The following ATPSCKMT variants were observed in gnomAD, a reference collection of about 807,000 sequenced individuals.
The protein encoded by ATPSCKMT is ATP synthase c subunit lysine N-methyltransferase.
Under a neutral mutation model 24.3 loss-of-function variants are expected in ATPSCKMT, and 24 were observed. That is an observed-to-expected ratio of 0.99 (90% confidence interval 0.71 to 1.39). ATPSCKMT has a LOEUF of 1.39. Among genes scored for constraint, ATPSCKMT ranks in the 40% most tolerant of loss-of-function variants. The pLI, the probability that ATPSCKMT is intolerant of heterozygous loss-of-function variation, is 0.00. For missense variants in ATPSCKMT, 311 were observed against 298.4 expected, an observed-to-expected ratio of 1.04 and a Z score of -0.31; for synonymous variants, 95 against 110.5, an observed-to-expected ratio of 0.86 and a Z score of 0.88.
chr5:10,242,019 A>G (rs945998624), intron 1 of ATPSCKMT, among the ~76,000 whole-genome samples: 1 of 152,184 alleles, frequency 6.6e-6, no homozygotes, highest in South Asian at 2.1e-4. Context: ...TGATCATCTG[A>G]GCCTTCAGTG....
intron 4 of ATPSCKMT, among the ~76,000 whole-genome samples, chr5:10,230,504 A>G (rs1246043646): frequency 1.3e-5 from 2 of 152,252 alleles, no homozygotes; most frequent in African/African-American, 2.4e-5. Context: ...TATTTCCATC[A>G]TAAGAAATTA....
Position 10,235,242 on chromosome 5 carries a change from G to T in ATPSCKMT, c.464C>A (p.Ser155Ter). 1 of 1,613,524 alleles carries T rather than the reference G, an allele frequency of 6.2e-7. No individual in the cohort carries two copies. Among genetic ancestry groups the T allele is most frequent in the Non-Finnish European group, 8.5e-7 (1 of 1,179,620 alleles). ...DLWKVTFSQY[S>*]NVVIFGVPQM... ...AGGCACACCGAAAATAACAACGTTC[G>T]AGTACTGCGAAAAAGTAACCTGAAC... is the stretch of plus-strand genomic sequence containing the variant. The change falls in exon 4 of 5, where the codon TCG (serine) becomes TAG (stop). Residue 155 changes from serine to a stop codon, truncating the protein, a stop_gained. Transcript: ENST00000511437. LOFTEE classifies it low-confidence loss of function (END_TRUNC).
At chr5:10,236,860 C>G in intron 2 of ATPSCKMT, 1 of 1,457,398 alleles carries the variant, frequency 6.9e-7, no homozygotes, top group Non-Finnish European at 9.1e-7. Flanking sequence ...AATAGACATT[C>G]AGGTTCACTT....
At position 10,239,178 on chromosome 5, in the gene ATPSCKMT, T is replaced by C; in HGVS notation, c.195A>G (p.Lys65=). 6.2e-7 allele frequency: 1 copy of C among 1,614,150 alleles called. No individual in the cohort carries two copies. The highest frequency in any genetic ancestry group is 1.3e-5 in the African/African-American group (1 of 75,034). The change falls in exon 2 of 5, where the codon AAA becomes AAG. Residue 65 remains lysine (K), a synonymous_variant. Transcript: ENST00000511437. ...TTGCAGGTACAAACGGCAAACAGAC[T>C]TTTCGAAGGGCTGGCGTTACAAACG... ...ATPFVTPALR[K]VCLPFVPATT... is the part of the protein sequence containing the mutation.
chr5:10,238,694 A>T (rs547741543), intron 2 of ATPSCKMT, among the ~76,000 whole-genome samples: 1 of 152,392 alleles, frequency 6.6e-6, no homozygotes, highest in South Asian at 2.1e-4. Context: ...GGATAAATAC[A>T]GACAAATGCA....
At chr5:10,236,817 T>C in intron 2 of ATPSCKMT, 1 of 1,480,510 alleles carries the variant, frequency 6.8e-7, no homozygotes, top group Non-Finnish European at 9.0e-7. Flanking sequence ...CTTAGTTTCC[T>C]TGATTGGTTA....
intron 1 of ATPSCKMT, among the ~76,000 whole-genome samples, chr5:10,243,305 G>A (rs1051253119): frequency 2.6e-5 from 4 of 152,158 alleles, no homozygotes; most frequent in Non-Finnish European, 5.9e-5. Context: ...CCAACATGGT[G>A]AAGCCCAGTC....
intron 4 of ATPSCKMT, among the ~76,000 whole-genome samples, chr5:10,228,810 T>C (rs912221982): frequency 6.6e-6 from 1 of 151,990 alleles, no homozygotes; most frequent in Non-Finnish European, 1.5e-5. Flanking sequence ...CTCCTAATTT[T>C]GTAGAGATGG....
chr5:10,234,590 T>A (rs2126435242), intron 4 of ATPSCKMT, among the ~76,000 whole-genome samples: 1 of 152,360 alleles, frequency 6.6e-6, no homozygotes, highest in South Asian at 2.1e-4. Context: ...ATGATAGACT[T>A]TGAAACGTGA....
At chr5:10,249,439 G>T in intron 1 of ATPSCKMT, 1 of 204,164 alleles carries the variant, frequency 4.9e-6, no homozygotes, top group Non-Finnish European at 9.8e-6. Flanking sequence ...CAGCAGCCCT[G>T]TGAGTAGGCA....
chr5:10,229,717 G>T (rs7716565), intron 4 of ATPSCKMT, among the ~76,000 whole-genome samples: 26,495 of 152,090 alleles, frequency 0.17, 3,794 homozygotes, highest in East Asian at 0.76. Context: ...CACCTGCTCT[G>T]CCTCTCTCTG....
chr5:10,239,110 C>A lies in ATPSCKMT; in HGVS notation c.263G>T (p.Arg88Leu), dbSNP rs754421049. The A allele has an allele frequency of 6.2e-7, 1 of 1,614,212 alleles. No individual in the cohort carries two copies. The highest frequency in any genetic ancestry group is 1.3e-5 in the African/African-American group (1 of 75,042). The change falls in exon 2 of 5, where the codon CGA becomes CTA. Residue 88 changes from arginine (R) to leucine (L), a missense_variant. Transcript: ENST00000511437. ...ACCGATGTCCACAAGGGATCCTCTT[C>A]GGCATCGCAACATTTTCACAACATT... is the stretch of plus-strand genomic sequence containing the variant. ...IENVVKMLRC[R>L]RGSLVDIGSG...
In ATPSCKMT at chr5:10,227,457, A is replaced by C; in HGVS notation, c.686T>G (p.Leu229Arg). 6.2e-7 allele frequency: 1 copy of C among 1,614,166 alleles called. No homozygotes were observed. Among genetic ancestry groups the C allele is most frequent in the South Asian group, 1.1e-5 (1 of 91,080 alleles). ...CAGTCAAGTTTATGCTTGAATGGGC[A>C]GCTGGAAATGCATCGATGTACAGGG... Reference protein sequence around the residue: ...KRPCTSMHFQLPIQA With the variant: ...KRPCTSMHFQRPIQA The change falls in exon 5 of 5, where the codon CTG becomes CGG. Residue 229 changes from leucine to arginine, a missense_variant. Leu to Arg is a moderately radical substitution (Grantham distance 102). Transcript: ENST00000511437.
chr5:10,241,694 A>G (rs1176920479), intron 1 of ATPSCKMT, among the ~76,000 whole-genome samples: 1 of 152,246 alleles, frequency 6.6e-6, no homozygotes, highest in Non-Finnish European at 1.5e-5. Context: ...CAAAAGCTTT[A>G]AATAATTTCA....
chr5:10,249,261 C>CAGAAA (rs1745157298), intron 1 of ATPSCKMT: 1 of 92,616 alleles, frequency 1.1e-5, no homozygotes, highest in African/African-American at 4.4e-5. Context: ...AGTCTTGTCT[C>CAGAAA]AAAAAAAAAA....
rs906349091 is a variant in ATPSCKMT, at chr5:10,249,716, C to G, written c.16+142G>C. On this transcript the variant is annotated intron_variant, in intron 1 of 4. Coordinates refer to ENST00000511437, the MANE Select transcript of ATPSCKMT (RefSeq NM_199133.4). ...CGCGGCGACCAGGAGCTCTGGTCACCGAAGGCCAGGCTGGAGGCCAGAGCA... is the reference window on the plus strand; with the variant it reads ...CGCGGCGACCAGGAGCTCTGGTCACGGAAGGCCAGGCTGGAGGCCAGAGCA... 7 of 1,339,386 alleles carry G rather than the reference C, an allele frequency of 5.2e-6. No individual in the cohort carries two copies. The African/African-American group carries it at 7.6e-5, about 15-fold the overall frequency. The allele number at this position is 1,339,386 out of a possible 1,614,324, so 83.0% of individuals were successfully genotyped here.
At chr5:10,246,620 C>T (rs1320436121) in intron 1 of ATPSCKMT, among the ~76,000 whole-genome samples, 8 of 152,136 alleles carry the variant, frequency 5.3e-5, no homozygotes, top group Admixed American at 5.2e-4. Context: ...AATAATATTC[C>T]ATTGTATGGA....
chr5:10,237,682 C>A (rs557992942), intron 2 of ATPSCKMT, among the ~76,000 whole-genome samples: 1 of 152,298 alleles, frequency 6.6e-6, no homozygotes, highest in East Asian at 1.9e-4. Flanking sequence ...AGTCTAATCA[C>A]CTCTTTCTTT....
chr5:10,245,742 A>G (rs1744887418), intron 1 of ATPSCKMT, among the ~76,000 whole-genome samples: 1 of 150,774 alleles, frequency 6.6e-6, no homozygotes, highest in Admixed American at 6.6e-5. Flanking sequence ...GTGAGACCTC[A>G]TTACAAAAAA....
Sources: gnomAD v4.1 joint callset for allele counts (sites outside exome capture counted in the v4.1 genomes callset) on GRCh38, gnomAD v4.1.1 for gene constraint, MANE v1.5 for transcripts, NCBI Gene and HGNC (gene_info 2026-07-23, HGNC 2026-07-21) for gene names.